Variants in AMPD3 observed in about 807,000 individuals in gnomAD.
The protein encoded by AMPD3 is AMP deaminase 3.
Under a neutral mutation model 82.3 loss-of-function variants are expected in AMPD3, and 57 were observed. That is an observed-to-expected ratio of 0.69 (90% CI 0.56 to 0.86). The LOEUF (loss-of-function observed/expected upper bound fraction) is 0.86. Among genes scored for constraint, AMPD3 ranks in the 40% least tolerant of loss-of-function variants. The pLI is 0.00. For synonymous variants in AMPD3, 381 were observed against 394.7 expected (o/e 0.97, Z 0.41); for missense variants, 870 against 1,003.8 (o/e 0.87, Z 1.80).
chr11:10,501,430 G>A, intron 11 of AMPD3, 40 bp from the exon 12 acceptor site: 1 of 1,607,608 alleles, frequency 6.2e-7, no homozygotes, highest in South Asian at 1.1e-5. Context: ...AGAGCCAACT[G>A]GGGGGGGCCT....
intron 8 of AMPD3, 31 bp from the exon 9 acceptor site, chr11:10,495,539 C>G (rs200223605): frequency 1.2e-6 from 2 of 1,612,258 alleles, no homozygotes; most frequent in Non-Finnish European, 8.5e-7. Flanking sequence ...CTGGGATGCA[C>G]TGGGGCTGAC....
At chr11:10,501,756 A>G (rs1276553581) in intron 12 of AMPD3, 166 bp downstream of exon 12, 2 of 985,066 alleles carry the variant, frequency 2.0e-6, no homozygotes, top group African/African-American at 3.5e-5. Flanking sequence ...CAAACTCATC[A>G]CAATTTTGAT....
intron 14 of AMPD3, chr11:10,505,068 A>G (rs1170284735): frequency 2.1e-6 from 2 of 970,414 alleles, no homozygotes; most frequent in African/African-American, 3.5e-5. Flanking sequence ...CCTGGCACAT[A>G]GCAGGCGCTC....
At chr11:10,469,309 G>A (rs1053282551) in intron 2 of AMPD3, among the ~76,000 whole-genome samples, 3 of 151,780 alleles carry the variant, frequency 2.0e-5, no homozygotes, top group Non-Finnish European at 2.9e-5. Flanking sequence ...AATAATAAAC[G>A]GGGTATCACC....
At chr11:10,495,172 C>T in intron 8 of AMPD3, 142 bp downstream of exon 8, 1 of 1,589,812 alleles carries the variant, frequency 6.3e-7, no homozygotes, top group Non-Finnish European at 8.5e-7. Flanking sequence ...TGCCCAGGTG[C>T]CCAGTGCTGT....
chr11:10,494,164 G>A (rs1849322564), intron 7 of AMPD3, among the ~76,000 whole-genome samples: 1 of 152,220 alleles, frequency 6.6e-6, no homozygotes, highest in South Asian at 2.1e-4. Context: ...AGGGAGTCAA[G>A]TACTGTACAT....
At chr11:10,472,106 A>G (rs1391532590) in intron 2 of AMPD3, among the ~76,000 whole-genome samples, 1 of 152,230 alleles carries the variant, frequency 6.6e-6, no homozygotes, top group Non-Finnish European at 1.5e-5. Context: ...ATGGAATACT[A>G]TGCAGCCATA....
Position 10,501,599 on chromosome 11 carries a change from G to T in AMPD3, c.1842+9G>T, listed in dbSNP as rs753360403. On this transcript the variant is annotated intron_variant, in intron 12 of 14. Coordinates refer to ENST00000396553, the MANE Select transcript of AMPD3 (RefSeq NM_001025389.2). The stretch of plus-strand genomic sequence containing the variant: ...GGCTGCTCCTCAAGAAGGTAACCAG[G>T]TCACTCTCGGGAGCCCGTCCTGAGT... The T allele has an allele frequency of 1.2e-6, 2 of 1,614,184 alleles. No individual in the cohort carries two copies. Among genetic ancestry groups the T allele is most frequent in the East Asian group, 4.5e-5 (2 of 44,882 alleles).
chr11:10,505,588 C>A, intron 14 of AMPD3, 120 bp from the exon 15 acceptor site: 1 of 1,522,104 alleles, frequency 6.6e-7, no homozygotes. Context: ...ATGTCCTGAC[C>A]AAAGATCTGC....
At position 10,482,128 on chromosome 11, in the gene AMPD3, G is replaced by T. The variant is rs139917184; in HGVS notation, c.492G>T (p.Lys164Asn). 1.8e-5 allele frequency: 29 copies of T among 1,614,086 alleles called. No individual in the cohort carries two copies. The highest frequency in any genetic ancestry group is 2.4e-5 in the Non-Finnish European group (28 of 1,180,050). ...CCAAGGCCCTAATGATCCGGGAGAA[G>T]TATGCGCGGCTCGCCTACCACCGCT... is the stretch of plus-strand genomic sequence containing the variant. ...SLAKALMIRE[K>N]YARLAYHRFP... Residue 164 changes from lysine to asparagine, a missense_variant, in exon 4 of 15, where the codon AAG (lysine) becomes AAT (asparagine). By Grantham distance (94) the Lys-to-Asn change is moderately conservative. Coordinates refer to ENST00000396553, the MANE Select transcript of AMPD3 (RefSeq NM_001025389.2).
upstream of AMPD3, among the ~76,000 whole-genome samples, chr11:10,453,508 A>C (rs1296351332): frequency 6.6e-6 from 1 of 152,146 alleles, no homozygotes; most frequent in Non-Finnish European, 1.5e-5. Context: ...CACCTCACAA[A>C]TGAGAAGAAA....
intron 6 of AMPD3, among the ~76,000 whole-genome samples, chr11:10,491,142 C>T (rs1223785186): frequency 6.6e-6 from 1 of 152,210 alleles, no homozygotes; most frequent in African/African-American, 2.4e-5. Context: ...GCTGAGCGCC[C>T]AGTCGGCCGC....
In AMPD3 at chr11:10,475,731, A is replaced by T. The variant is rs1008200810; in HGVS notation, c.222-2795A>T. Among the ~76,000 whole-genome samples the T allele has an allele frequency of 2.0e-5, 3 of 152,118 alleles. No individual in the cohort carries two copies. The East Asian group carries it at 5.8e-4, about 29-fold the overall frequency. On this transcript the variant is annotated intron_variant, in intron 2 of 14. Coordinates refer to ENST00000396553, the MANE Select transcript of AMPD3 (RefSeq NM_001025389.2). ...GAGTGTAGGAGGGGAGGGCAGAGAG[A>T]TTCAAAGCAACAGCACAATGACCAC... is the stretch of plus-strand genomic sequence containing the variant.
At chr11:10,454,657 T>C (rs1010548491), upstream of AMPD3, among the ~76,000 whole-genome samples, 1 of 152,182 alleles carries the variant, frequency 6.6e-6, no homozygotes, top group Non-Finnish European at 1.5e-5. Context: ...TAAGGCTAGC[T>C]GGGATCCGGT....
chr11:10,457,708 A>G (rs1406914786), intron 1 of AMPD3, among the ~76,000 whole-genome samples: 13 of 152,198 alleles, frequency 8.5e-5, no homozygotes. Flanking sequence ...CAGCCTGGCC[A>G]ACATGGTGAA....
At chr11:10,486,720 C>T (rs1849081624) in intron 5 of AMPD3, 3 of 985,278 alleles carry the variant, frequency 3.0e-6, no homozygotes, top group Non-Finnish European at 3.6e-6. Context: ...GCAGGTCATG[C>T]CTTATAGTTT....
chr11:10,494,771 GC>G (rs1431604585), intron 7 of AMPD3, 127 bp from the exon 8 acceptor site: 3 of 1,572,836 alleles, frequency 1.9e-6, no homozygotes, highest in Non-Finnish European at 2.6e-6. Context: ...AAGGTTTCAT[GC>G]AAGAATTGAC....
intron 1 of AMPD3, among the ~76,000 whole-genome samples, chr11:10,460,046 A>G (rs1848213858): frequency 9.4e-6 from 1 of 106,604 alleles, no homozygotes; most frequent in African/African-American, 3.9e-5. Flanking sequence ...TATAAAATAT[A>G]TATTATATAT....
At chr11:10,455,518 G>T in intron 1 of AMPD3, 70 bp downstream of exon 1, 2 of 828,180 alleles carry the variant, frequency 2.4e-6, no homozygotes, top group Non-Finnish European at 2.9e-6. Context: ...TGTGTGTGTG[G>T]ATGGGGGTGG....
Sources: allele counts gnomAD v4.1 joint callset (sites outside exome capture counted in the v4.1 genomes callset), GRCh38; gene constraint gnomAD v4.1.1; transcripts MANE v1.5; gene names NCBI Gene and HGNC (gene_info 2026-07-23, HGNC 2026-07-21).